The following FOXP2 variants were observed in gnomAD, a reference collection of about 807,000 sequenced individuals.
The protein encoded by FOXP2 is forkhead box P2, also known as forkhead box protein P2.
A neutral mutation model predicts 115.8 loss-of-function variants in FOXP2; 12 were observed. That is an observed-to-expected ratio of 0.10 (90% CI 0.07 to 0.17). FOXP2 has a LOEUF of 0.17. Among genes scored for constraint, FOXP2 ranks in the 10% least tolerant of loss-of-function variants. The pLI is 1.00. For synonymous variants in FOXP2, 328 were observed against 297.7 expected (o/e 1.10, Z -1.05); for missense variants, 629 against 843.5 (o/e 0.75, Z 3.15).
At chr7:114,476,125 T>G (rs1796248177) in intron 2 of FOXP2, among the ~76,000 whole-genome samples, 1 of 151,298 alleles carries the variant, frequency 6.6e-6, no homozygotes, top group East Asian at 1.9e-4. Flanking sequence ...TTAAGTTTAA[T>G]TAGGTCCCAT....
intron 1 of FOXP2, among the ~76,000 whole-genome samples, chr7:114,252,642 C>A (rs1480244759): frequency 6.6e-6 from 1 of 152,064 alleles, no homozygotes; most frequent in South Asian, 2.1e-4. Context: ...GGTGATATCC[C>A]CTTTATCATT....
intron 3 of FOXP2, among the ~76,000 whole-genome samples, chr7:114,545,612 A>G (rs568908048): frequency 6.6e-6 from 1 of 152,310 alleles, no homozygotes; most frequent in East Asian, 1.9e-4. Context: ...GTATCAATCA[A>G]TAGATTGATA....
At chr7:114,130,047 C>T (rs1401669694) in intron 1 of FOXP2, among the ~76,000 whole-genome samples, 4 of 152,116 alleles carry the variant, frequency 2.6e-5, no homozygotes, top group Non-Finnish European at 5.9e-5. Context: ...GGTGTGGTGG[C>T]TCATGCCTGT....
chr7:114,334,888 CTGTG>C (rs1438671810), intron 2 of FOXP2, among the ~76,000 whole-genome samples: 1 of 139,544 alleles, frequency 7.2e-6, no homozygotes, highest in Non-Finnish European at 1.5e-5. Flanking sequence ...AAGGATATCT[CTGTG>C]TGTGTGTGTG....
intron 1 of FOXP2, among the ~76,000 whole-genome samples, chr7:114,208,131 C>G (rs1345476898): frequency 6.6e-6 from 1 of 152,186 alleles, no homozygotes; most frequent in Non-Finnish European, 1.5e-5. Context: ...AACACCAGCC[C>G]ATGAAAGCAA....
intron 1 of FOXP2, among the ~76,000 whole-genome samples, chr7:114,215,543 A>G (rs999875978): frequency 6.6e-6 from 1 of 152,138 alleles, no homozygotes. Flanking sequence ...TTGAAATACT[A>G]CGGTTTATAG....
intron 1 of FOXP2, among the ~76,000 whole-genome samples, chr7:114,165,211 G>C (rs1304898130): frequency 1.3e-5 from 2 of 152,190 alleles, no homozygotes; most frequent in East Asian, 3.9e-4. Flanking sequence ...TTTCTGCTAA[G>C]GTCAGGGACA....
rs1807053325 is a variant in FOXP2, at chr7:114,664,421, C to T, written c.1988C>T (p.Ser663Leu). ...DSNGNSSPGC[S>L]PQPHIHSIHV... ...AATGGAAACAGTAGTCCGGGCTGCT[C>T]ACCTCAGCCGCACATGTAAGTGTGG... Residue 663 changes from serine (S) to leucine (L), a missense_variant, in exon 16 of 17, where the codon TCA (serine) becomes TTA (leucine). This residue lies in a region of FOXP2 where 117 missense variants were observed against 112.3 expected (regional missense o/e 1.04). Coordinates refer to ENST00000350908, the MANE Select transcript of FOXP2 (RefSeq NM_014491.4). 3 of 1,613,404 alleles carry T rather than the reference C, an allele frequency of 1.9e-6. No individual in the cohort carries two copies. The highest frequency in any genetic ancestry group is 2.7e-5 in the African/African-American group (2 of 74,980).
chr7:114,644,189 AAGT>A (rs1805741899), intron 7 of FOXP2, among the ~76,000 whole-genome samples: 1 of 152,178 alleles, frequency 6.6e-6, no homozygotes, highest in African/African-American at 2.4e-5. Flanking sequence ...TACTGTTCCA[AAGT>A]AGATTTTCTA....
At chr7:114,485,869 A>G (rs1189359003) in intron 2 of FOXP2, among the ~76,000 whole-genome samples, 2 of 152,188 alleles carry the variant, frequency 1.3e-5, no homozygotes, top group African/African-American at 2.4e-5. Flanking sequence ...GAGAAAGCTA[A>G]TAAGTGGTGG....
intron 1 of FOXP2, among the ~76,000 whole-genome samples, chr7:114,227,961 C>A (rs913744082): frequency 1.3e-5 from 2 of 152,004 alleles, no homozygotes; most frequent in African/African-American, 4.8e-5. Flanking sequence ...CCTGTGGATA[C>A]TGAAGATGTG....
intron 2 of FOXP2, among the ~76,000 whole-genome samples, chr7:114,327,182 G>A (rs1020181689): frequency 6.6e-6 from 1 of 152,050 alleles, no homozygotes; most frequent in Admixed American, 6.5e-5. Flanking sequence ...ACTAATTTTT[G>A]TCTTCATACC....
intron 2 of FOXP2, among the ~76,000 whole-genome samples, chr7:114,509,653 T>C (rs1392159876): frequency 7.5e-6 from 1 of 133,448 alleles, no homozygotes; most frequent in African/African-American, 2.9e-5. Flanking sequence ...TTGTTTGTTT[T>C]GTTTTGTTTT....
chr7:114,395,751 A>G (rs1176458282), intron 2 of FOXP2, among the ~76,000 whole-genome samples: 2 of 152,012 alleles, frequency 1.3e-5, no homozygotes, highest in African/African-American at 4.8e-5. Flanking sequence ...GGCTTATTTC[A>G]ATTAACATAA....
chr7:114,569,550 A>T (rs1801189051), intron 3 of FOXP2, among the ~76,000 whole-genome samples: 1 of 151,934 alleles, frequency 6.6e-6, no homozygotes, highest in Non-Finnish European at 1.5e-5. Flanking sequence ...ACTGGTGCCA[A>T]ATAAGGTTAG....
intron 1 of FOXP2, among the ~76,000 whole-genome samples, chr7:114,131,724 C>G (rs951191717): frequency 4.6e-5 from 7 of 152,124 alleles, no homozygotes; most frequent in African/African-American, 1.4e-4. Flanking sequence ...GATCCTCAAA[C>G]TAAATATCCA....
intron 3 of FOXP2, among the ~76,000 whole-genome samples, chr7:114,612,234 GA>G (rs1194627377): frequency 1.3e-5 from 2 of 151,958 alleles, no homozygotes; most frequent in Admixed American, 6.6e-5. Flanking sequence ...AGAGATTTGG[GA>G]AGCAGCTCCT....
At chr7:114,166,010 A>G (rs1029116005) in intron 1 of FOXP2, among the ~76,000 whole-genome samples, 4 of 152,184 alleles carry the variant, frequency 2.6e-5, no homozygotes, top group African/African-American at 4.8e-5. Flanking sequence ...TCAAGGAAGA[A>G]AGGACAGTCT....
intron 1 of FOXP2, among the ~76,000 whole-genome samples, chr7:114,252,445 T>A (rs1341211788): frequency 6.6e-6 from 1 of 152,220 alleles, no homozygotes; most frequent in African/African-American, 2.4e-5. Context: ...GTTGGTAAGC[T>A]ATTAATTATT....
Sources: gnomAD v4.1 joint callset for allele counts (sites outside exome capture counted in the v4.1 genomes callset) on GRCh38, gnomAD v4.1.1 for gene constraint, gnomAD v4.1.1 regional missense constraint, MANE v1.5 for transcripts, NCBI Gene and HGNC (gene_info 2026-07-23, HGNC 2026-07-21) for gene names.